PACRG: variants seen among roughly 807,000 people sequenced by gnomAD.
PACRG encodes the protein parkin coregulated gene protein.
In PACRG, 29 loss-of-function variants were observed where a neutral mutation model predicts 29.7. The observed-to-expected ratio is 0.98, with a 90% CI of 0.73 to 1.33. The LOEUF (loss-of-function observed/expected upper bound fraction) is 1.33, where lower values mean the gene tolerates loss of function less well. Among genes scored for constraint, PACRG ranks in the 40% most tolerant of loss-of-function variants. The probability of loss-of-function intolerance (pLI) is 0.00; values close to 1 mark genes in which losing one functional copy is unlikely to be tolerated. For missense variants in PACRG, 279 were observed against 316.2 expected (o/e 0.88, Z 0.89); for synonymous variants, 116 against 118.7 (o/e 0.98, Z 0.15).
At chr6:163,037,466 T>C (rs1808310461) in intron 2 of PACRG, among the ~76,000 whole-genome samples, 1 of 152,222 alleles carries the variant, frequency 6.6e-6, no homozygotes, top group Admixed American at 6.5e-5. Flanking sequence ...TCTCTTAGCA[T>C]TCATAGCACC....
intron 1 of PACRG, among the ~76,000 whole-genome samples, chr6:162,778,381 T>G (rs1179568757): frequency 1.3e-5 from 2 of 152,176 alleles, no homozygotes; most frequent in Non-Finnish European, 1.5e-5. Context: ...TATTGCCTTG[T>G]TTTTATATGG....
At chr6:162,958,451 TCTTTAGA>T (rs1469063014) in intron 2 of PACRG, among the ~76,000 whole-genome samples, 3 of 152,178 alleles carry the variant, frequency 2.0e-5, no homozygotes, top group Non-Finnish European at 4.4e-5. Context: ...TATTTTTATG[TCTTTAGA>T]CTTCTAAATC....
intron 2 of PACRG, among the ~76,000 whole-genome samples, chr6:162,945,797 A>G (rs1422327063): frequency 2.0e-5 from 3 of 152,214 alleles, no homozygotes; most frequent in African/African-American, 7.2e-5. Context: ...CATGTCAAGT[A>G]TTTTCTTAGA....
In PACRG at chr6:162,775,429, C is replaced by G. The variant is rs182145427; in HGVS notation, c.157-38718C>G. 5.3e-3 allele frequency among the ~76,000 whole-genome samples: 814 copies of G among 152,266 alleles called. 4 individuals are homozygous for G. The highest frequency in any genetic ancestry group is 0.019 in the African/African-American group (771 of 41,544). On this transcript the variant is annotated intron_variant, in intron 1 of 4. Coordinates refer to ENST00000366888, the MANE Select transcript of PACRG (RefSeq NM_001080379.2). ...ATTGCGTAAGTGTTAGAGGTATATACTTATCCATTGTTAATTTTAATCAAT... is the reference window on the plus strand; with the variant it reads ...ATTGCGTAAGTGTTAGAGGTATATAGTTATCCATTGTTAATTTTAATCAAT...
intron 2 of PACRG, among the ~76,000 whole-genome samples, chr6:162,834,119 G>A (rs1789014775): frequency 6.6e-6 from 1 of 152,070 alleles, no homozygotes; most frequent in Non-Finnish European, 1.5e-5. Context: ...TAGGTGCACA[G>A]TGAAGTGTAT....
intron 2 of PACRG, among the ~76,000 whole-genome samples, chr6:162,967,764 C>A (rs2128154276): frequency 6.6e-6 from 1 of 152,092 alleles, no homozygotes; most frequent in East Asian, 1.9e-4. Flanking sequence ...ATCTTGGCCT[C>A]CCAACGTGCT....
At chr6:163,266,311 C>T (rs533812706) in intron 4 of PACRG, among the ~76,000 whole-genome samples, 73 of 152,136 alleles carry the variant, frequency 4.8e-4, no homozygotes, top group African/African-American at 1.7e-3. Flanking sequence ...TAGGATATCT[C>T]GTAAAGAGAA....
chr6:163,148,711 C>A (rs1277631861), intron 4 of PACRG, among the ~76,000 whole-genome samples: 1 of 152,162 alleles, frequency 6.6e-6, no homozygotes. Flanking sequence ...CTGCCTCCAA[C>A]TTTGCGTGTC....
At chr6:162,962,365 AGTT>A (rs1416167510) in intron 2 of PACRG, among the ~76,000 whole-genome samples, 1 of 152,196 alleles carries the variant, frequency 6.6e-6, no homozygotes, top group Non-Finnish European at 1.5e-5. Flanking sequence ...TTTCTGAGAA[AGTT>A]GTTGACTCCA....
At chr6:162,795,769 T>C (rs187262787) in intron 1 of PACRG, among the ~76,000 whole-genome samples, 10 of 152,370 alleles carry the variant, frequency 6.6e-5, no homozygotes, top group Admixed American at 6.5e-4. Context: ...GTTTATACTT[T>C]AAATCATATT....
At chr6:162,773,762 G>A (rs1003894160) in intron 1 of PACRG, among the ~76,000 whole-genome samples, 8 of 151,766 alleles carry the variant, frequency 5.3e-5, no homozygotes, top group African/African-American at 1.9e-4. Flanking sequence ...TGATCCACCC[G>A]CCTCGGCCTC....
At chr6:162,914,478 A>C (rs1796544662) in intron 2 of PACRG, among the ~76,000 whole-genome samples, 2 of 147,976 alleles carry the variant, frequency 1.4e-5, no homozygotes, top group Admixed American at 1.4e-4. Flanking sequence ...CAGGTAGCGT[A>C]CATAAGGTCT....
chr6:163,031,175 G>A (rs1467892043), intron 2 of PACRG, among the ~76,000 whole-genome samples: 3 of 152,190 alleles, frequency 2.0e-5, no homozygotes, highest in African/African-American at 7.2e-5. Flanking sequence ...AAAATGTTGA[G>A]TAAGCTTATT....
chr6:162,966,170 T>G (rs1327792918), intron 2 of PACRG, among the ~76,000 whole-genome samples: 1 of 152,198 alleles, frequency 6.6e-6, no homozygotes, highest in Non-Finnish European at 1.5e-5. Context: ...TGCAAGAAAA[T>G]AAAGATCTAG....
intron 1 of PACRG, among the ~76,000 whole-genome samples, chr6:162,739,479 C>T (rs1314831971): frequency 6.6e-6 from 1 of 152,228 alleles, no homozygotes; most frequent in East Asian, 1.9e-4. Flanking sequence ...CTTTTTAATA[C>T]ATAAATTTTA....
chr6:163,034,741 G>A lies in PACRG; in HGVS notation c.292-27409G>A, dbSNP rs73783989. ...CCACCACTTACCTAGTTAGCCTTTG[G>A]GTCCCTTTATGGTAGCCAGAAAAAT... On this transcript the variant is annotated intron_variant, in intron 2 of 4. Transcript: ENST00000366888. Among the ~76,000 whole-genome samples the A allele has an allele frequency of 1.5e-3, 231 of 152,156 alleles. 1 individual carries two copies. Among genetic ancestry groups the A allele is most frequent in the African/African-American group, 5.3e-3 (221 of 41,500 alleles).
intron 1 of PACRG, among the ~76,000 whole-genome samples, chr6:162,811,170 C>G (rs1254945822): frequency 6.6e-6 from 1 of 152,116 alleles, no homozygotes; most frequent in East Asian, 1.9e-4. Context: ...AACCATGAAC[C>G]TTAAATCCTA....
intron 1 of PACRG, among the ~76,000 whole-genome samples, chr6:162,737,204 G>C (rs535847580): frequency 2.0e-5 from 3 of 152,230 alleles, no homozygotes; most frequent in South Asian, 2.1e-4. Flanking sequence ...CTTGCCTGCT[G>C]TCTACCTCCT....
At chr6:162,933,981 C>A (rs1008908684) in intron 2 of PACRG, among the ~76,000 whole-genome samples, 2 of 152,164 alleles carry the variant, frequency 1.3e-5, no homozygotes, top group South Asian at 4.2e-4. Flanking sequence ...TGAGAACTCA[C>A]AACTGGGCGC....
Sources: allele counts gnomAD v4.1 joint callset (sites outside exome capture counted in the v4.1 genomes callset), GRCh38; gene constraint gnomAD v4.1.1; transcripts MANE v1.5; gene names NCBI Gene and HGNC (gene_info 2026-07-23, HGNC 2026-07-21).